The following ARHGEF18 variants were observed in gnomAD, a reference collection of about 807,000 sequenced individuals.
ARHGEF18 encodes the protein Rho/Rac guanine nucleotide exchange factor 18.
Under a neutral mutation model 155.7 loss-of-function variants are expected in ARHGEF18, and 93 were observed. The observed-to-expected ratio is 0.60, with a 90% confidence interval of 0.50 to 0.71. ARHGEF18 has a LOEUF of 0.71. Among genes scored for constraint, ARHGEF18 ranks in the 30% least tolerant of loss-of-function variants. ARHGEF18 has a pLI of 0.00. For synonymous variants in ARHGEF18, 742 were observed against 753.1 expected, an observed-to-expected ratio of 0.99 and a Z score of 0.24; for missense variants, 1,593 against 1,816.1, an observed-to-expected ratio of 0.88 and a Z score of 2.23.
chr19:7,466,836 A>AAGGAAG, intron 23 of ARHGEF18, 82 bp from the exon 24 acceptor site: 1 of 1,094,030 alleles, frequency 9.1e-7, no homozygotes, highest in Non-Finnish European at 1.3e-6. Context: ...AGTTAAAAAA[A>AAGGAAG]AAGAAGAAGA....
At chr19:7,458,717 C>T in intron 19 of ARHGEF18, 27 bp downstream of exon 19, 1 of 1,593,494 alleles carries the variant, frequency 6.3e-7, no homozygotes, top group Non-Finnish European at 8.6e-7. Context: ...GGTCTCCCCA[C>T]CCACTGTGTT....
chr19:7,451,319 C>G (rs1192877379), intron 16 of ARHGEF18, 53 bp downstream of exon 16: 72 of 1,494,154 alleles, frequency 4.8e-5, no homozygotes, highest in Non-Finnish European at 6.3e-5. Context: ...GCACAGGGCT[C>G]TCTCCGTGTA....
downstream of ARHGEF18, among the ~76,000 whole-genome samples, chr19:7,474,164 C>A (rs2145937061): frequency 6.6e-6 from 1 of 151,932 alleles, no homozygotes; most frequent in East Asian, 2.0e-4. Flanking sequence ...CATGTTGAAA[C>A]CCCATCTCTA....
At position 7,453,538 on chromosome 19, in the gene ARHGEF18, G is replaced by A. The variant is rs781679271; in HGVS notation, c.1927G>A (p.Ala643Thr). The A allele has an allele frequency of 2.7e-5, 43 of 1,613,912 alleles. No homozygotes were observed. Among genetic ancestry groups the A allele is most frequent in the Non-Finnish European group, 3.4e-5 (40 of 1,179,920 alleles). The change falls in exon 17 of 29, where the codon GCC becomes ACC. Residue 643 changes from alanine to threonine, a missense_variant. By Grantham distance (58) the Ala-to-Thr change is moderately conservative. Coordinates refer to ENST00000668164, the MANE Select transcript of ARHGEF18 (RefSeq NM_001367823.1). ...CAAAGATATCATCTCACAAGTGGAC[G>A]CCAAGGTCAGTGAGTGTGAGAAGGG... Reference protein sequence around the residue: ...LIKDIISQVDAKVSECEKGQR... With the variant: ...LIKDIISQVDTKVSECEKGQR...
chr19:7,355,144 CTAGA>C (rs527340849), intron 1 of ARHGEF18, among the ~76,000 whole-genome samples: 57 of 150,768 alleles, frequency 3.8e-4, no homozygotes, highest in African/African-American at 1.1e-3. Context: ...TTAAAACTAT[CTAGA>C]TAATCAAATA....
chr19:7,447,791 C>T (rs1975089318), intron 15 of ARHGEF18, among the ~76,000 whole-genome samples: 1 of 151,962 alleles, frequency 6.6e-6, no homozygotes, highest in Non-Finnish European at 1.5e-5. Flanking sequence ...GCCAGGAGTT[C>T]GAGACCAGCC....
At chr19:7,461,394 C>CA (rs1976248457) in intron 20 of ARHGEF18, among the ~76,000 whole-genome samples, 1 of 151,958 alleles carries the variant, frequency 6.6e-6, no homozygotes, top group Non-Finnish European at 1.5e-5. Flanking sequence ...ACTAAAAATA[C>CA]AAAAAATTAG....
chr19:7,433,675 G>C (rs141756417), intron 10 of ARHGEF18, among the ~76,000 whole-genome samples: 324 of 152,128 alleles, frequency 2.1e-3, no homozygotes, highest in Middle Eastern at 6.8e-3. Flanking sequence ...GTGGCTTACA[G>C]GATTTATGAG....
At chr19:7,448,657 G>A (rs753557115) in intron 15 of ARHGEF18, among the ~76,000 whole-genome samples, 16 of 150,462 alleles carry the variant, frequency 1.1e-4, no homozygotes, top group Admixed American at 3.3e-4. Context: ...GCGAAACTCC[G>A]TCTCAAAAAA....
At chr19:7,353,619 GA>G (rs1249392610) in intron 1 of ARHGEF18, among the ~76,000 whole-genome samples, 8 of 146,282 alleles carry the variant, frequency 5.5e-5, no homozygotes, top group Non-Finnish European at 1.2e-4. Context: ...GAAAAGAAAA[GA>G]AAAAGAAAAA....
intron 10 of ARHGEF18, among the ~76,000 whole-genome samples, chr19:7,396,188 C>G (rs1390220332): frequency 6.6e-6 from 1 of 152,172 alleles, no homozygotes; most frequent in Admixed American, 6.6e-5. Context: ...AGATTAAAGC[C>G]TGGACCACAG....
intron 20 of ARHGEF18, 114 bp downstream of exon 20, chr19:7,460,108 G>A: frequency 9.8e-7 from 1 of 1,025,360 alleles, no homozygotes. Context: ...TTTTCCCGTG[G>A]GCTGTGCCAT....
intron 13 of ARHGEF18, among the ~76,000 whole-genome samples, chr19:7,442,571 C>G (rs1164972991): frequency 6.6e-6 from 1 of 151,286 alleles, no homozygotes; most frequent in Non-Finnish European, 1.5e-5. Flanking sequence ...TGGTGCAGCC[C>G]TGCCTCCCAT....
rs190276907 is a variant in ARHGEF18, at chr19:7,376,751, G to C, written c.535G>C (p.Val179Leu). The change falls in exon 5 of 29, where the codon GTT (valine) becomes CTT (leucine). Residue 179 changes from valine to leucine, a missense_variant. By Grantham distance (32) the Val-to-Leu change is conservative (BLOSUM62 1). Transcript: ENST00000668164. ...GGGTTTGGAAGTGCCCACTCCACCT[G>C]TTCAAGGTAGCCAGCCTGGGAGTTT... ...SPGLEVPTPP[V>L]QGLEPPVLEC... is the part of the protein sequence containing the mutation. The C allele has an allele frequency of 0.011, 13,416 of 1,234,244 alleles. 80 individuals are homozygous for C. Among genetic ancestry groups the C allele is most frequent in the Non-Finnish European group, 0.013 (12,635 of 988,006 alleles). The allele number at this position is 1,234,244 out of a possible 1,614,324, so 76.5% of individuals were successfully genotyped here. A position where few individuals can be genotyped will look rare whatever the true frequency, so the allele number is the denominator to read the frequency against.
At chr19:7,464,413 C>A in intron 22 of ARHGEF18, 147 bp from the exon 23 acceptor site, 2 of 945,788 alleles carry the variant, frequency 2.1e-6, no homozygotes, top group Non-Finnish European at 3.1e-6. Flanking sequence ...CCAGCCTGCC[C>A]CTCTCCAGCA....
intron 10 of ARHGEF18, among the ~76,000 whole-genome samples, chr19:7,429,040 G>T (rs763371569): frequency 6.6e-6 from 1 of 152,222 alleles, no homozygotes; most frequent in Non-Finnish European, 1.5e-5. Flanking sequence ...GAGGGCAGGG[G>T]CACGCCATGC....
chr19:7,468,468 G>A (rs1413341043), intron 26 of ARHGEF18, among the ~76,000 whole-genome samples: 2 of 152,146 alleles, frequency 1.3e-5, no homozygotes, highest in Admixed American at 6.5e-5. Flanking sequence ...GATCATTTGA[G>A]CCCAAGAGGC....
At chr19:7,381,084 G>A (rs1970711563) in intron 8 of ARHGEF18, 90 bp downstream of exon 8, 5 of 1,048,900 alleles carry the variant, frequency 4.8e-6, no homozygotes, top group East Asian at 3.3e-5. Context: ...CCCCATGCTG[G>A]GGGCAGGAGC....
At chr19:7,373,655 T>C (rs1156270348) in intron 3 of ARHGEF18, among the ~76,000 whole-genome samples, 1 of 151,582 alleles carries the variant, frequency 6.6e-6, no homozygotes, top group African/African-American at 2.4e-5. Flanking sequence ...TTTGTATTTT[T>C]AGTAGAGACG....
Sources: allele counts gnomAD v4.1 joint callset (sites outside exome capture counted in the v4.1 genomes callset), GRCh38; gene constraint gnomAD v4.1.1; transcripts MANE v1.5; gene names NCBI Gene and HGNC (gene_info 2026-07-23, HGNC 2026-07-21).